The following STAC variants were observed in gnomAD, a reference collection of about 807,000 sequenced individuals.
STAC encodes SH3 and cysteine rich domain, also known as SH3 and cysteine-rich domain-containing protein.
Under a neutral mutation model 48.8 loss-of-function variants are expected in STAC, and 43 were observed. The ratio of observed to expected loss-of-function variants is 0.88; its 90% confidence interval spans 0.69 to 1.14. STAC has a LOEUF of 1.14. STAC is among the 50% of genes most tolerant of loss of function. The probability of loss-of-function intolerance (pLI) is 0.00; values close to 1 mark genes in which losing one functional copy is unlikely to be tolerated. For synonymous variants in STAC, 193 were observed against 179.5 expected (o/e 1.07, Z -0.60); for missense variants, 497 against 504.0 (o/e 0.99, Z 0.13).
At chr3:36,417,557 TTGACCAC>T in intron 1 of STAC, among the ~76,000 whole-genome samples, 1 of 145,286 alleles carries the variant, frequency 6.9e-6, no homozygotes, top group South Asian at 2.1e-4. Context: ...TAAACCCTAT[TTGACCAC>T]AGAATATAAT....
At chr3:36,456,067 G>A (rs199549543) in intron 2 of STAC, among the ~76,000 whole-genome samples, 105 of 150,268 alleles carry the variant, frequency 7.0e-4, no homozygotes, top group African/African-American at 9.3e-4. Context: ...ACACACGTGC[G>A]CACACACACA....
Position 36,443,965 on chromosome 3 carries a change from A to T in STAC, c.388+325A>T, listed in dbSNP as rs1391780344. On this transcript the variant is annotated intron_variant, in intron 2 of 10. Transcript: ENST00000273183. This position sits in a 1 kb window ranked among gnomAD's most constrained non-coding sequence, Gnocchi z 4.2. ...CACCTGCATCAGCCTGTCACTGTATATGGGCAACAAGTGAGACCTGGAATG... is the reference window on the plus strand; with the variant it reads ...CACCTGCATCAGCCTGTCACTGTATTTGGGCAACAAGTGAGACCTGGAATG... Among the ~76,000 whole-genome samples the T allele has an allele frequency of 6.6e-6, 1 of 152,150 alleles. No homozygotes were observed. The highest frequency in any genetic ancestry group is 1.5e-5 in the Non-Finnish European group (1 of 68,030).
At chr3:36,523,406 C>T (rs1268813498) in intron 8 of STAC, among the ~76,000 whole-genome samples, 1 of 152,174 alleles carries the variant, frequency 6.6e-6, no homozygotes, top group Non-Finnish European at 1.5e-5. Flanking sequence ...TACTTTACAT[C>T]ATGGTATACA....
chr3:36,430,723 T>C (rs1175395105), intron 1 of STAC, among the ~76,000 whole-genome samples: 1 of 152,210 alleles, frequency 6.6e-6, no homozygotes, highest in African/African-American at 2.4e-5. Flanking sequence ...CTTGCAGCTC[T>C]AGAGGCTAGA....
intron 1 of STAC, among the ~76,000 whole-genome samples, chr3:36,394,738 A>T (rs1348268343): frequency 6.6e-6 from 1 of 152,112 alleles, no homozygotes; most frequent in African/African-American, 2.4e-5. Flanking sequence ...ATCTACTAAA[A>T]ATACAAAAAT....
intron 2 of STAC, among the ~76,000 whole-genome samples, chr3:36,471,136 A>G (rs1697320684): frequency 6.6e-6 from 1 of 152,222 alleles, no homozygotes; most frequent in African/African-American, 2.4e-5. Flanking sequence ...AAGCCTCAGA[A>G]TCATGGCAGG....
chr3:36,476,212 C>T (rs1477252051), intron 2 of STAC, among the ~76,000 whole-genome samples: 1 of 152,142 alleles, frequency 6.6e-6, no homozygotes, highest in African/African-American at 2.4e-5. Flanking sequence ...CCACAGGGAC[C>T]CAGAGGTAAA....
In STAC at chr3:36,546,529, T is replaced by C. The variant is rs948771318; in HGVS notation, c.*240T>C. 1 of 556,794 alleles carries C rather than the reference T, an allele frequency of 1.8e-6. No homozygotes were observed. The highest frequency in any genetic ancestry group is 1.9e-5 in the African/African-American group (1 of 53,268). 34.5% of individuals were successfully genotyped at this position (556,794 alleles called of 1,614,324 possible). A position where few individuals can be genotyped will look rare whatever the true frequency, so the allele number is the denominator to read the frequency against. The stretch of plus-strand genomic sequence containing the variant: ...GAGAGAGTCAGCAGGCAGAGCCAGA[T>C]GCCATGCTTGGCAGCAGCAGTAGGA... On this transcript the variant is annotated 3_prime_UTR_variant, in exon 11 of 11. Transcript: ENST00000273183.
intron 2 of STAC, among the ~76,000 whole-genome samples, chr3:36,472,386 AT>A: frequency 6.6e-6 from 1 of 152,192 alleles, no homozygotes; most frequent in African/African-American, 2.4e-5. Context: ...CATTTTCCCC[AT>A]GGTCTTGGGA....
chr3:36,481,428 T>C (rs1455257540), intron 2 of STAC, among the ~76,000 whole-genome samples: 2 of 152,196 alleles, frequency 1.3e-5, no homozygotes, highest in African/African-American at 4.8e-5. Flanking sequence ...CAAAAAGAGA[T>C]GAAGCAGTGA....
intron 2 of STAC, among the ~76,000 whole-genome samples, chr3:36,464,386 C>T (rs56158455): frequency 0.031 from 4,746 of 151,924 alleles, 221 homozygotes; most frequent in African/African-American, 0.11. Context: ...TTCTTGTAAA[C>T]TTGTTGGAGT....
chr3:36,386,266 T>A (rs1699613735), intron 1 of STAC, among the ~76,000 whole-genome samples: 1 of 152,068 alleles, frequency 6.6e-6, no homozygotes, highest in Non-Finnish European at 1.5e-5. Context: ...GCATTTGATG[T>A]CTTCTTATGT....
At chr3:36,511,527 C>T (rs1698537791) in intron 8 of STAC, among the ~76,000 whole-genome samples, 1 of 152,168 alleles carries the variant, frequency 6.6e-6, no homozygotes, top group African/African-American at 2.4e-5. Context: ...AAATGGTCCC[C>T]TGGAGGTTCA....
intron 8 of STAC, among the ~76,000 whole-genome samples, chr3:36,511,727 C>T (rs980846055): frequency 1.3e-5 from 2 of 152,180 alleles, no homozygotes. Flanking sequence ...CACACTGGAG[C>T]GACCTGGGCT....
intron 5 of STAC, among the ~76,000 whole-genome samples, chr3:36,491,878 G>A (rs1375069772): frequency 6.7e-6 from 1 of 149,644 alleles, no homozygotes; most frequent in Non-Finnish European, 1.5e-5. Flanking sequence ...GCCAGGCATG[G>A]TGGTGCATGC....
chr3:36,474,052 G>A (rs1166067633), intron 2 of STAC, among the ~76,000 whole-genome samples: 1 of 152,152 alleles, frequency 6.6e-6, no homozygotes, highest in Non-Finnish European at 1.5e-5. Flanking sequence ...GCAATAGCGT[G>A]TGCATGCTAC....
chr3:36,468,293 CT>C (rs1459786549), intron 2 of STAC, among the ~76,000 whole-genome samples: 2 of 152,008 alleles, frequency 1.3e-5, no homozygotes, highest in East Asian at 3.9e-4. Flanking sequence ...CTTAAATTTA[CT>C]GAGACTTGTT....
intron 10 of STAC, among the ~76,000 whole-genome samples, chr3:36,545,038 G>C (rs1445316609): frequency 6.6e-6 from 1 of 152,168 alleles, no homozygotes; most frequent in Non-Finnish European, 1.5e-5. Context: ...CCACTGTGGT[G>C]GCTTCTGTTG....
rs1201656889 is a variant in STAC at position 36,380,698 on chromosome 3, G to A, written c.55G>A (p.Ala19Thr). 1.9e-6 allele frequency: 3 copies of A among 1,611,484 alleles called. No individual in the cohort carries two copies. Among genetic ancestry groups the A allele is most frequent in the Non-Finnish European group, 2.5e-6 (3 of 1,179,220 alleles). ...EDGVDGLPKE[A>T]VGAEQPPSPA... is the part of the protein sequence containing the mutation. The stretch of plus-strand genomic sequence containing the variant: ...CGGCGTGGACGGGCTGCCCAAGGAG[G>A]CGGTGGGCGCCGAGCAACCGCCCTC... Residue 19 changes from alanine (A) to threonine (T), a missense_variant, in exon 1 of 11, where the codon GCG becomes ACG. By Grantham distance (58) the Ala-to-Thr change is moderately conservative. Coordinates refer to ENST00000273183, the MANE Select transcript of STAC (RefSeq NM_003149.3).
Sources: gnomAD v4.1 joint callset for allele counts (sites outside exome capture counted in the v4.1 genomes callset) on GRCh38, gnomAD v4.1.1 for gene constraint, Gnocchi (gnomAD v3.1) non-coding constraint, MANE v1.5 for transcripts, NCBI Gene and HGNC (gene_info 2026-07-23, HGNC 2026-07-21) for gene names.